GRM8: variants seen among roughly 807,000 people sequenced by gnomAD.
The protein encoded by GRM8 is metabotropic glutamate receptor 8.
A neutral mutation model predicts 87.2 loss-of-function variants in GRM8; 47 were observed. The ratio of observed to expected loss-of-function variants is 0.54; its 90% CI spans 0.43 to 0.69. The LOEUF is 0.69. Ranked by LOEUF, GRM8 falls within the 30% of genes least tolerant of loss-of-function variation. The pLI, the probability that GRM8 is intolerant of heterozygous loss-of-function variation, is 0.00. For synonymous variants in GRM8, 396 were observed against 404.5 expected, an observed-to-expected ratio of 0.98 and a Z score of 0.25; for missense variants, 1,019 against 1,139.2, an observed-to-expected ratio of 0.89 and a Z score of 1.52.
At chr7:126,678,953 T>G (rs1030591533) in intron 7 of GRM8, among the ~76,000 whole-genome samples, 8 of 152,198 alleles carry the variant, frequency 5.3e-5, no homozygotes, top group African/African-American at 1.9e-4. Context: ...AATAAGAAAT[T>G]AAAACATCCC....
intron 6 of GRM8, among the ~76,000 whole-genome samples, chr7:126,805,402 T>C (rs1457853309): frequency 6.6e-6 from 1 of 152,260 alleles, no homozygotes; most frequent in Non-Finnish European, 1.5e-5. Context: ...TGTCTTGGAA[T>C]TAGGCAAGTG....
intron 9 of GRM8, among the ~76,000 whole-genome samples, chr7:126,472,453 A>T (rs1217586737): frequency 6.6e-6 from 1 of 152,154 alleles, no homozygotes; most frequent in Non-Finnish European, 1.5e-5. Context: ...CTAAGCAGCA[A>T]GGCATTCAAG....
intron 7 of GRM8, among the ~76,000 whole-genome samples, chr7:126,672,318 C>T (rs912298577): frequency 3.3e-5 from 5 of 152,166 alleles, no homozygotes; most frequent in Non-Finnish European, 7.3e-5. Context: ...AGAGGATGCT[C>T]TTCCCTCTCT....
At chr7:126,919,858 G>A (rs1804329553) in intron 3 of GRM8, among the ~76,000 whole-genome samples, 1 of 151,942 alleles carries the variant, frequency 6.6e-6, no homozygotes, top group Non-Finnish European at 1.5e-5. Context: ...CTTCCATCCT[G>A]TTACTCTGAG....
chr7:126,674,577 G>A (rs1285963220), intron 7 of GRM8, among the ~76,000 whole-genome samples: 1 of 151,740 alleles, frequency 6.6e-6, no homozygotes, highest in East Asian at 1.9e-4. Context: ...TGGCATTCAA[G>A]AACTCACAGT....
At chr7:126,718,222 ACT>A (rs762444087) in intron 7 of GRM8, among the ~76,000 whole-genome samples, 9 of 151,852 alleles carry the variant, frequency 5.9e-5, no homozygotes, top group Non-Finnish European at 8.8e-5. Flanking sequence ...ACAGAGTGAG[ACT>A]CTGTCTCAAA....
chr7:126,465,430 G>A (rs112807849), intron 9 of GRM8: 1 of 151,338 alleles, frequency 6.6e-6, no homozygotes, highest in Admixed American at 6.6e-5. Flanking sequence ...CTCGGTATTT[G>A]ATATCTTTAT....
intron 7 of GRM8, among the ~76,000 whole-genome samples, chr7:126,646,302 GGAAA>G (rs771983171): frequency 5.1e-4 from 76 of 148,920 alleles, no homozygotes; most frequent in African/African-American, 1.6e-3. Context: ...AAGGAAGGAA[GGAAA>G]GAAGGAAGGA....
chr7:126,656,499 T>C (rs1804543988), intron 7 of GRM8, among the ~76,000 whole-genome samples: 1 of 151,412 alleles, frequency 6.6e-6, no homozygotes, highest in Non-Finnish European at 1.5e-5. Flanking sequence ...CAACATGGTT[T>C]CTACTAAAAA....
chr7:126,993,493 A>C (rs1333799974), intron 3 of GRM8, among the ~76,000 whole-genome samples: 2 of 152,212 alleles, frequency 1.3e-5, no homozygotes, highest in African/African-American at 4.8e-5. Flanking sequence ...AACTGACTAC[A>C]CACAATAAAA....
At chr7:126,484,933 G>A (rs1252745549) in intron 9 of GRM8, among the ~76,000 whole-genome samples, 1 of 151,594 alleles carries the variant, frequency 6.6e-6, no homozygotes, top group Non-Finnish European at 1.5e-5. Flanking sequence ...TGTAAACAAG[G>A]AGGAAAAAGT....
chr7:126,746,600 C>G (rs34839514), intron 7 of GRM8, among the ~76,000 whole-genome samples: 59,026 of 151,258 alleles, frequency 0.39, 12,722 homozygotes, highest in Non-Finnish European at 0.48. Flanking sequence ...CCTCTAAGAA[C>G]ATCAAATTCC....
intron 6 of GRM8, among the ~76,000 whole-genome samples, chr7:126,827,599 T>G (rs905822840): frequency 2.0e-5 from 3 of 152,198 alleles, no homozygotes; most frequent in Non-Finnish European, 2.9e-5. Flanking sequence ...GCTTATCAGC[T>G]TAAGGAGATT....
In GRM8 at chr7:126,984,923, T is replaced by C. The variant is rs11563362; in HGVS notation, c.728-80240A>G. On this transcript the variant is annotated intron_variant, in intron 3 of 10. Coordinates refer to ENST00000339582, the MANE Select transcript of GRM8 (RefSeq NM_000845.3). ...TTTAGACCTTTCAGGCGGATGCACCTTTTGGTTCATGTGATATATACCTGC... is the reference window on the plus strand; with the variant it reads ...TTTAGACCTTTCAGGCGGATGCACCCTTTGGTTCATGTGATATATACCTGC... Among the ~76,000 whole-genome samples the C allele has an allele frequency of 3.4e-3, 523 of 152,272 alleles. 4 individuals carry two copies. The highest frequency in any genetic ancestry group is 5.3e-3 in the Admixed American group (81 of 15,278).
intron 3 of GRM8, among the ~76,000 whole-genome samples, chr7:127,037,382 A>C (rs1817939434): frequency 6.6e-6 from 1 of 152,136 alleles, no homozygotes; most frequent in Admixed American, 6.5e-5. Context: ...GGAATTTTCC[A>C]AGCTACTGTC....
chr7:126,861,635 T>A (rs986696027), intron 6 of GRM8, among the ~76,000 whole-genome samples: 1 of 151,962 alleles, frequency 6.6e-6, no homozygotes, highest in Admixed American at 6.6e-5. Context: ...TTTAAACTTG[T>A]ATGATCTTGA....
At chr7:126,491,257 C>A (rs1390398254) in intron 9 of GRM8, among the ~76,000 whole-genome samples, 1 of 152,030 alleles carries the variant, frequency 6.6e-6, no homozygotes, top group African/African-American at 2.4e-5. Flanking sequence ...ATTTTCCTCT[C>A]CATAGACCCT....
At chr7:126,505,198 G>A (rs868002641) in intron 9 of GRM8, among the ~76,000 whole-genome samples, 2 of 151,982 alleles carry the variant, frequency 1.3e-5, no homozygotes, top group African/African-American at 2.4e-5. Context: ...ACAGTTCTGC[G>A]TTCCTTCTTG....
chr7:126,914,031 T>A (rs192616631), intron 3 of GRM8, among the ~76,000 whole-genome samples: 105 of 152,258 alleles, frequency 6.9e-4, no homozygotes, highest in Non-Finnish European at 1.2e-3. Context: ...TGAAAAGCAA[T>A]GCAATGAAGG....
Sources: gnomAD v4.1 joint callset for allele counts (sites outside exome capture counted in the v4.1 genomes callset) on GRCh38, gnomAD v4.1.1 for gene constraint, MANE v1.5 for transcripts, NCBI Gene and HGNC (gene_info 2026-07-23, HGNC 2026-07-21) for gene names.